The following RBFOX1 variants were observed in gnomAD, a reference collection of about 807,000 sequenced individuals.
RBFOX1 encodes the protein RNA binding protein fox-1 homolog 1.
A neutral mutation model predicts 57.7 loss-of-function variants in RBFOX1; 8 were observed. The ratio of observed to expected loss-of-function variants is 0.14; its 90% CI spans 0.08 to 0.25. RBFOX1 has a LOEUF of 0.25. RBFOX1 is among the 10% of genes least tolerant of loss of function. RBFOX1 has a pLI of 1.00. For missense variants in RBFOX1, 611 were observed against 548.5 expected, an observed-to-expected ratio of 1.11 and a Z score of -1.14; for synonymous variants, 326 against 222.4, an observed-to-expected ratio of 1.47 and a Z score of -4.15.
chr16:7,098,776 C>A (rs564615944), intron 4 of RBFOX1, among the ~76,000 whole-genome samples: 49 of 151,818 alleles, frequency 3.2e-4, no homozygotes, highest in African/African-American at 1.2e-3. Context: ...ATAGTGAGAC[C>A]CTGTGTCTAT....
intron 2 of RBFOX1, among the ~76,000 whole-genome samples, chr16:5,496,858 G>T (rs2043018767): frequency 6.6e-6 from 1 of 152,196 alleles, no homozygotes; most frequent in African/African-American, 2.4e-5. Flanking sequence ...TTTCTGCTCA[G>T]TAGAAAGACT....
At chr16:7,058,336 A>C (rs1434565388) in intron 4 of RBFOX1, among the ~76,000 whole-genome samples, 1 of 152,150 alleles carries the variant, frequency 6.6e-6, no homozygotes, top group Non-Finnish European at 1.5e-5. Flanking sequence ...TTTTTAAGGG[A>C]AAGGGAGTGT....
At position 6,636,940 on chromosome 16, in the gene RBFOX1, TA is replaced by T. The variant is rs200949933; in HGVS notation, c.-63-17659del. 9.8e-5 allele frequency among the ~76,000 whole-genome samples: 12 copies of T among 121,956 alleles called. 1 individual carries two copies. Among genetic ancestry groups the T allele is most frequent in the East Asian group, 2.2e-4 (1 of 4,592 alleles). The allele number at this position is 121,956 out of a possible 152,430, so 80.0% of individuals were successfully genotyped here. A position where few individuals can be genotyped will look rare whatever the true frequency, so the allele number is the denominator to read the frequency against. ...TGTATAAATTATGTATAAATATACA[TA>T]AAATATACATAAAATATGTATATTA... On this transcript the variant is annotated intron_variant, in intron 2 of 15. Coordinates refer to ENST00000550418, the MANE Select transcript of RBFOX1 (RefSeq NM_018723.4).
intron 4 of RBFOX1, among the ~76,000 whole-genome samples, chr16:7,272,469 C>A (rs1376151411): frequency 6.6e-6 from 1 of 152,218 alleles, no homozygotes; most frequent in Non-Finnish European, 1.5e-5. Context: ...CAGGCATCAG[C>A]CACCATGCCT....
intron 3 of RBFOX1, among the ~76,000 whole-genome samples, chr16:6,963,342 A>G (rs1472516156): frequency 6.6e-6 from 1 of 151,888 alleles, no homozygotes; most frequent in Non-Finnish European, 1.5e-5. Context: ...CAGCTTTGAG[A>G]TAATGGGAAT....
chr16:6,015,375 T>A (rs1437409934), upstream of RBFOX1, among the ~76,000 whole-genome samples: 1 of 152,146 alleles, frequency 6.6e-6, no homozygotes, highest in African/African-American at 2.4e-5. Context: ...CATTGAAACA[T>A]CAGTGAAGGC....
chr16:7,660,518 C>T (rs1035612925), intron 12 of RBFOX1, among the ~76,000 whole-genome samples: 4 of 152,312 alleles, frequency 2.6e-5, no homozygotes, highest in Non-Finnish European at 4.4e-5. Context: ...TATTTGGATA[C>T]ATTTTTGGAA....
At chr16:7,151,459 C>T (rs372336566) in intron 4 of RBFOX1, among the ~76,000 whole-genome samples, 1 of 152,154 alleles carries the variant, frequency 6.6e-6, no homozygotes, top group Admixed American at 6.5e-5. Context: ...CATCCTTCAA[C>T]TCCCTCCTGA....
At chr16:5,913,711 C>G (rs1469479854) in intron 4 of RBFOX1, among the ~76,000 whole-genome samples, 1 of 152,220 alleles carries the variant, frequency 6.6e-6, no homozygotes, top group Admixed American at 6.5e-5. Flanking sequence ...TCACCAGATC[C>G]TTGCTCAAGA....
rs147487191 is a variant in RBFOX1, at chr16:7,441,528, A to C, written c.28-76619A>C. Reference sequence around the variant, plus strand: ...CTGGTATCTGTTTCTCTCCTACTATAATATCTTTTTCACGTCAGGGCTTGT... The same window carrying C: ...CTGGTATCTGTTTCTCTCCTACTATCATATCTTTTTCACGTCAGGGCTTGT... On this transcript the variant is annotated intron_variant, in intron 4 of 15. Transcript: ENST00000550418. Among the ~76,000 whole-genome samples, 43 of 152,120 alleles carry C rather than the reference A, an allele frequency of 2.8e-4. 1 individual carries two copies. Among genetic ancestry groups the C allele is most frequent in the African/African-American group, 1.0e-3 (42 of 41,522 alleles).
intron 3 of RBFOX1, among the ~76,000 whole-genome samples, chr16:7,033,437 T>C (rs2043338693): frequency 6.6e-6 from 1 of 152,124 alleles, no homozygotes; most frequent in African/African-American, 2.4e-5. Flanking sequence ...GGAGATTCGC[T>C]TGATCCCGGG....
At chr16:7,049,001 A>T (rs759793440) in intron 3 of RBFOX1, among the ~76,000 whole-genome samples, 2 of 152,182 alleles carry the variant, frequency 1.3e-5, no homozygotes, top group African/African-American at 2.4e-5. Context: ...GCAGTAGTCT[A>T]TTCCTTAGTT....
At chr16:6,493,931 G>A (rs141887061) in intron 2 of RBFOX1, among the ~76,000 whole-genome samples, 157 of 152,266 alleles carry the variant, frequency 1.0e-3, no homozygotes, top group African/African-American at 3.5e-3. Flanking sequence ...ATCTACAGTA[G>A]CATCAGCGTG....
intron 1 of RBFOX1, among the ~76,000 whole-genome samples, chr16:6,066,961 G>A (rs1414933870): frequency 6.6e-6 from 1 of 152,116 alleles, no homozygotes; most frequent in Admixed American, 6.6e-5. Flanking sequence ...TCCCAGAGTA[G>A]GGGGCGGGGG....
chr16:5,799,770 C>T (rs1255109843), intron 3 of RBFOX1, among the ~76,000 whole-genome samples: 1 of 151,994 alleles, frequency 6.6e-6, no homozygotes, highest in East Asian at 1.9e-4. Context: ...GGATGTTACC[C>T]CATTGTAAAT....
intron 1 of RBFOX1, among the ~76,000 whole-genome samples, chr16:6,265,800 C>T (rs1175828928): frequency 6.6e-6 from 1 of 152,108 alleles, no homozygotes; most frequent in Non-Finnish European, 1.5e-5. Context: ...TCTTCAGAAT[C>T]CCTCTGTCTC....
chr16:6,793,316 T>G (rs576804597), intron 3 of RBFOX1, among the ~76,000 whole-genome samples: 8 of 152,244 alleles, frequency 5.3e-5, no homozygotes, highest in Non-Finnish European at 1.2e-4. Flanking sequence ...AAAGTGAAAT[T>G]TGATTGGAGA....
intron 3 of RBFOX1, among the ~76,000 whole-genome samples, chr16:5,613,735 C>T (rs571920600): frequency 6.6e-6 from 1 of 152,170 alleles, no homozygotes; most frequent in South Asian, 2.1e-4. Context: ...TGCCTGAGGG[C>T]TTCTTTGCAC....
At chr16:5,723,634 G>A (rs924153678) in intron 3 of RBFOX1, among the ~76,000 whole-genome samples, 2 of 152,016 alleles carry the variant, frequency 1.3e-5, no homozygotes, top group African/African-American at 4.8e-5. Context: ...TCTGAGGTCT[G>A]ATTTTGAGAC....
Sources: gnomAD v4.1 joint callset for allele counts (sites outside exome capture counted in the v4.1 genomes callset) on GRCh38, gnomAD v4.1.1 for gene constraint, MANE v1.5 for transcripts, NCBI Gene and HGNC (gene_info 2026-07-23, HGNC 2026-07-21) for gene names.